The following BCAS3 variants were observed in gnomAD, a reference collection of about 807,000 sequenced individuals.
BCAS3 encodes the protein BCAS4/BCAS3 fusion.
In BCAS3, 53 loss-of-function variants were observed where a neutral mutation model predicts 116.1. The observed-to-expected ratio is 0.46, with a 90% CI of 0.37 to 0.57. BCAS3 has a LOEUF of 0.57. Among genes scored for constraint, BCAS3 ranks in the 20% least tolerant of loss-of-function variants. The probability of loss-of-function intolerance (pLI) is 0.00; values close to 1 mark genes in which losing one functional copy is unlikely to be tolerated. For synonymous variants in BCAS3, 391 were observed against 408.2 expected (o/e 0.96, Z 0.51); for missense variants, 917 against 1,165.4 (o/e 0.79, Z 3.10).
chr17:61,336,263 C>T (rs1303141564), intron 22 of BCAS3, among the ~76,000 whole-genome samples: 2 of 152,246 alleles, frequency 1.3e-5, no homozygotes, highest in Non-Finnish European at 2.9e-5. Flanking sequence ...TGATTACAGT[C>T]CCAGATGTCA....
At position 60,965,224 on chromosome 17, in the gene BCAS3, G is replaced by GC. The variant is rs1156593398; in HGVS notation, c.1221+17872_1221+17873insC. ...TATATCCCATAGGTTTTGGTATATT[G>GC]AATTTTTTTTTTTTTTTTTTTTGAG... is the stretch of plus-strand genomic sequence containing the variant. On this transcript the variant is annotated intron_variant, in intron 14 of 23. Coordinates refer to ENST00000407086, the MANE Select transcript of BCAS3 (RefSeq NM_017679.5). Among the ~76,000 whole-genome samples, 49 of 146,256 alleles carry GC rather than the reference G, an allele frequency of 3.4e-4. 1 individual carries two copies. The East Asian group carries it at 9.5e-3, about 28-fold the overall frequency.
chr17:61,033,423 T>C (rs2066790518), intron 16 of BCAS3, among the ~76,000 whole-genome samples: 1 of 152,174 alleles, frequency 6.6e-6, no homozygotes, highest in African/African-American at 2.4e-5. Flanking sequence ...TAGGCATTAC[T>C]ATTTCTATTT....
At chr17:61,268,444 ATCT>A (rs2049947160) in intron 22 of BCAS3, among the ~76,000 whole-genome samples, 1 of 152,202 alleles carries the variant, frequency 6.6e-6, no homozygotes, top group Non-Finnish European at 1.5e-5. Context: ...TAACATTATC[ATCT>A]TAAGTGTCCA....
At chr17:61,152,211 G>T (rs1391636020) in intron 22 of BCAS3, among the ~76,000 whole-genome samples, 1 of 152,162 alleles carries the variant, frequency 6.6e-6, no homozygotes, top group Non-Finnish European at 1.5e-5. Flanking sequence ...GCTGCTGCTG[G>T]CTGGGGTGGC....
At chr17:60,748,019 T>C (rs573602242) in intron 6 of BCAS3, among the ~76,000 whole-genome samples, 1 of 152,240 alleles carries the variant, frequency 6.6e-6, no homozygotes, top group South Asian at 2.1e-4. Flanking sequence ...CTCAAGCATG[T>C]TTTTGCATGT....
In BCAS3 at chr17:61,301,300, A is replaced by G. The variant is rs745825028; in HGVS notation, c.2426-67027A>G. 3.7e-4 allele frequency among the ~76,000 whole-genome samples: 57 copies of G among 152,276 alleles called. 1 individual carries two copies. Among genetic ancestry groups the G allele is most frequent in the Non-Finnish European group, 1.6e-4 (11 of 68,006 alleles). On this transcript the variant is annotated intron_variant, in intron 22 of 23. Transcript: ENST00000407086. ...GGCCCCTTTCAGAAAACGTTTCCCAATCCCTGGTGTAAATTGCAACAGTAG... is the reference window on the plus strand; with the variant it reads ...GGCCCCTTTCAGAAAACGTTTCCCAGTCCCTGGTGTAAATTGCAACAGTAG...
At chr17:60,789,072 T>A (rs958026775) in intron 6 of BCAS3, among the ~76,000 whole-genome samples, 1 of 152,120 alleles carries the variant, frequency 6.6e-6, no homozygotes, top group Non-Finnish European at 1.5e-5. Context: ...AATGATAAAT[T>A]TAGTTGTTCA....
rs723835 is a variant in BCAS3, at chr17:61,205,147, T to C, written c.2425+120583T>C. ...GTATTATTTTTCTCATTTCTACCTA[T>C]GAAAAAAAGGTTGAAACTGAAAGAA... On this transcript the variant is annotated intron_variant, in intron 22 of 23. Coordinates refer to ENST00000407086, the MANE Select transcript of BCAS3 (RefSeq NM_017679.5). This position sits in a 1 kb window ranked among gnomAD's most constrained non-coding sequence, Gnocchi z 5.2. 0.6 allele frequency among the ~76,000 whole-genome samples: 91,018 copies of C among 151,914 alleles called. 32,468 individuals are homozygous for C. The highest frequency in any genetic ancestry group is 0.86 in the South Asian group (4,122 of 4,820).
intron 6 of BCAS3, among the ~76,000 whole-genome samples, chr17:60,772,810 T>C (rs563424075): frequency 2.2e-4 from 33 of 152,124 alleles, no homozygotes; most frequent in Admixed American, 1.4e-3. Flanking sequence ...GAGGTGGAAG[T>C]TGCAGTGAGC....
At chr17:60,997,603 A>G (rs772260656) in intron 15 of BCAS3, among the ~76,000 whole-genome samples, 1 of 152,176 alleles carries the variant, frequency 6.6e-6, no homozygotes, top group Non-Finnish European at 1.5e-5. Flanking sequence ...AATAAAGCAT[A>G]TCTTCCACCG....
At position 60,990,962 on chromosome 17, in the gene BCAS3, A is replaced by C. The variant is rs1338448566; in HGVS notation, c.1486+727A>C. The stretch of plus-strand genomic sequence containing the variant: ...CACCCAGCCTGCATTTTATTTTAAA[A>C]TGGGATTGGCGGGATTTCTGCTGTG... On this transcript the variant is annotated intron_variant, in intron 15 of 23. Coordinates refer to ENST00000407086, the MANE Select transcript of BCAS3 (RefSeq NM_017679.5). This position sits in a 1 kb window ranked among gnomAD's most constrained non-coding sequence, Gnocchi z 5.1. 1.3e-5 allele frequency among the ~76,000 whole-genome samples: 2 copies of C among 152,148 alleles called. No individual in the cohort carries two copies. The highest frequency in any genetic ancestry group is 2.9e-5 in the Non-Finnish European group (2 of 68,018).
chr17:60,846,781 T>G (rs1267246523), intron 7 of BCAS3, among the ~76,000 whole-genome samples: 1 of 152,080 alleles, frequency 6.6e-6, no homozygotes, highest in African/African-American at 2.4e-5. Flanking sequence ...ATTCCTTCTT[T>G]CCTTCTTCCC....
intron 22 of BCAS3, among the ~76,000 whole-genome samples, chr17:61,308,021 G>A (rs2053980774): frequency 6.6e-6 from 1 of 152,126 alleles, no homozygotes; most frequent in South Asian, 2.1e-4. Context: ...TATGTATTTA[G>A]CAAATCTTTA....
chr17:60,891,503 T>C lies in BCAS3; in HGVS notation c.738+1732T>C, dbSNP rs531032779. Among the ~76,000 whole-genome samples the C allele has an allele frequency of 3.3e-5, 5 of 152,372 alleles. No individual in the cohort carries two copies. The South Asian group carries it at 8.3e-4, about 25-fold the overall frequency. The stretch of plus-strand genomic sequence containing the variant: ...ATATTTCTAGATAAATGTCCTTACA[T>C]AGTATTTTCATAAGAGCTAGCATTT... On this transcript the variant is annotated intron_variant, in intron 10 of 23. Coordinates refer to ENST00000407086, the MANE Select transcript of BCAS3 (RefSeq NM_017679.5).
chr17:61,080,460 T>A (rs1399244588), intron 21 of BCAS3, among the ~76,000 whole-genome samples: 1 of 151,970 alleles, frequency 6.6e-6, no homozygotes, highest in Non-Finnish European at 1.5e-5. Flanking sequence ...TAAAGAATGA[T>A]TCAGCCAGGC....
In BCAS3 at chr17:61,131,278, TCTTA is replaced by T. The variant is rs1201756758; in HGVS notation, c.2425+46718_2425+46721del. 4.6e-5 allele frequency among the ~76,000 whole-genome samples: 7 copies of T among 152,286 alleles called. No individual in the cohort carries two copies. In the East Asian group the frequency reaches 1.3e-3, roughly 29 times the overall value. On this transcript the variant is annotated intron_variant, in intron 22 of 23. Transcript: ENST00000407086. This position sits in a 1 kb window ranked among gnomAD's most constrained non-coding sequence, Gnocchi z 4.4. Reference sequence around the variant, plus strand: ...ACTCGTATCATAGACATTAGAGAGTTCTTACTTGGAAAGTTTCATTTCCTAATGA... The same window carrying T: ...ACTCGTATCATAGACATTAGAGAGTTCTTGGAAAGTTTCATTTCCTAATGA...
chr17:61,365,051 C>T lies in BCAS3; in HGVS notation c.2426-3276C>T, dbSNP rs1265622892. Among the ~76,000 whole-genome samples, 2 of 152,218 alleles carry T rather than the reference C, an allele frequency of 1.3e-5. No homozygotes were observed. The highest frequency in any genetic ancestry group is 2.9e-5 in the Non-Finnish European group (2 of 68,034). On this transcript the variant is annotated intron_variant, in intron 22 of 23. Transcript: ENST00000407086. The surrounding 1 kb of genome is among the most constrained non-coding windows in gnomAD (Gnocchi z 4.6). ...GTGTCAGGTCTTTTACATTTATCTACTGCAGTCCTCACAACAATCCTATGT... is the reference window on the plus strand; with the variant it reads ...GTGTCAGGTCTTTTACATTTATCTATTGCAGTCCTCACAACAATCCTATGT...
At position 61,258,525 on chromosome 17, in the gene BCAS3, T is replaced by C. The variant is rs1425590209; in HGVS notation, c.2426-109802T>C. Among the ~76,000 whole-genome samples the C allele has an allele frequency of 6.6e-6, 1 of 152,254 alleles. No homozygotes were observed. The highest frequency in any genetic ancestry group is 1.5e-5 in the Non-Finnish European group (1 of 68,048). On this transcript the variant is annotated intron_variant, in intron 22 of 23. Coordinates refer to ENST00000407086, the MANE Select transcript of BCAS3 (RefSeq NM_017679.5). This position sits in a 1 kb window ranked among gnomAD's most constrained non-coding sequence, Gnocchi z 4.7. ...GTAAAATGTGAATAATCATACCTAC[T>C]TCATGGTATCGTTGTGTGGATTAAA... is the stretch of plus-strand genomic sequence containing the variant.
Position 61,171,301 on chromosome 17 carries a change from A to G in BCAS3, c.2425+86737A>G, listed in dbSNP as rs534380635. On this transcript the variant is annotated intron_variant, in intron 22 of 23. Coordinates refer to ENST00000407086, the MANE Select transcript of BCAS3 (RefSeq NM_017679.5). The surrounding 1 kb of genome is among the most constrained non-coding windows in gnomAD (Gnocchi z 4.1). ...ACATAGGTGTAGCTAATCAGTTAAC[A>G]AATGAGATAAAAATGGCATCCTAAA... Among the ~76,000 whole-genome samples, 1 of 151,348 alleles carries G rather than the reference A, an allele frequency of 6.6e-6. No individual in the cohort carries two copies. The highest frequency in any genetic ancestry group is 2.5e-5 in the African/African-American group (1 of 40,646).
Sources: allele counts gnomAD v4.1 joint callset (sites outside exome capture counted in the v4.1 genomes callset), GRCh38; gene constraint gnomAD v4.1.1; non-coding constraint Gnocchi (gnomAD v3.1); transcripts MANE v1.5; gene names NCBI Gene and HGNC (gene_info 2026-07-23, HGNC 2026-07-21).